The following SPATA17 variants were observed in gnomAD, a reference collection of about 807,000 sequenced individuals.
The protein encoded by SPATA17 is spermatogenesis-associated protein 17.
In SPATA17, 53 loss-of-function variants were observed where a neutral mutation model predicts 62.2. The ratio of observed to expected loss-of-function variants is 0.85; its 90% CI spans 0.68 to 1.07. The LOEUF (loss-of-function observed/expected upper bound fraction) is 1.07. SPATA17 is among the 50% of genes least tolerant of loss of function. The probability of loss-of-function intolerance (pLI) is 0.00; values close to 1 mark genes in which losing one functional copy is unlikely to be tolerated. For missense variants in SPATA17, 466 were observed against 425.5 expected (o/e 1.10, Z -0.84); for synonymous variants, 146 against 146.8 (o/e 0.99, Z 0.04).
chr1:217,760,276 T>C (rs1673141346), intron 6 of SPATA17, among the ~76,000 whole-genome samples: 2 of 152,178 alleles, frequency 1.3e-5, no homozygotes, highest in Non-Finnish European at 2.9e-5. Context: ...TTCTGGGCCT[T>C]CTACTATCAA....
At chr1:217,860,793 T>C (rs1675883396) in intron 9 of SPATA17, among the ~76,000 whole-genome samples, 1 of 152,270 alleles carries the variant, frequency 6.6e-6, no homozygotes, top group South Asian at 2.1e-4. Flanking sequence ...TCCAGTCTTG[T>C]TCTTTTATTG....
intron 3 of SPATA17, among the ~76,000 whole-genome samples, chr1:217,657,443 A>G (rs1380729892): frequency 6.6e-6 from 1 of 152,190 alleles, no homozygotes; most frequent in Admixed American, 6.5e-5. Flanking sequence ...GGACAATCAC[A>G]TGTAAATCTT....
At chr1:217,768,221 G>A (rs1471767170) in intron 6 of SPATA17, among the ~76,000 whole-genome samples, 1 of 152,048 alleles carries the variant, frequency 6.6e-6, no homozygotes, top group African/African-American at 2.4e-5. Flanking sequence ...CTCCAGCCTG[G>A]CGACAGAGCA....
intron 3 of SPATA17, among the ~76,000 whole-genome samples, chr1:217,662,350 G>T (rs1323376333): frequency 6.6e-6 from 1 of 151,994 alleles, no homozygotes; most frequent in Non-Finnish European, 1.5e-5. Flanking sequence ...AGATCATCTA[G>T]TGAATAACAT....
chr1:217,866,662 G>A (rs1214448757), intron 10 of SPATA17: 1 of 152,028 alleles, frequency 6.6e-6, no homozygotes, highest in Admixed American at 6.6e-5. Context: ...GGATCTTGCT[G>A]TGTTACCCAG....
At chr1:217,847,209 T>C (rs1479990643) in intron 9 of SPATA17, among the ~76,000 whole-genome samples, 1 of 151,978 alleles carries the variant, frequency 6.6e-6, no homozygotes, top group African/African-American at 2.4e-5. Flanking sequence ...TAAGACTAAA[T>C]TTTTGTATGT....
chr1:217,751,559 C>G (rs958933297), intron 6 of SPATA17, among the ~76,000 whole-genome samples: 1 of 152,224 alleles, frequency 6.6e-6, no homozygotes, highest in South Asian at 2.1e-4. Context: ...CCTATTAACT[C>G]TTACATTTTA....
chr1:217,727,507 C>G (rs1451626093), intron 5 of SPATA17, among the ~76,000 whole-genome samples: 1 of 151,910 alleles, frequency 6.6e-6, no homozygotes, highest in African/African-American at 2.4e-5. Context: ...TGTATGATTG[C>G]ATAAATTTTT....
intron 9 of SPATA17, among the ~76,000 whole-genome samples, chr1:217,806,458 C>T (rs12078427): frequency 0.026 from 3,973 of 152,286 alleles, 154 homozygotes; most frequent in African/African-American, 0.085. Flanking sequence ...CTCTGAATCC[C>T]CTTAGGGGTC....
chr1:217,704,981 C>A (rs897541296), intron 5 of SPATA17, among the ~76,000 whole-genome samples: 2 of 152,178 alleles, frequency 1.3e-5, no homozygotes, highest in Non-Finnish European at 2.9e-5. Flanking sequence ...AATCACCAAA[C>A]AGATTTCCAA....
intron 1 of SPATA17, among the ~76,000 whole-genome samples, chr1:217,631,731 A>G (rs1428693472): frequency 1.3e-5 from 2 of 152,168 alleles, no homozygotes; most frequent in Admixed American, 6.5e-5. Flanking sequence ...CCACTCTGCA[A>G]TTTGATGAAA....
At chr1:217,734,922 G>A (rs762910942) in intron 5 of SPATA17, among the ~76,000 whole-genome samples, 1 of 152,154 alleles carries the variant, frequency 6.6e-6, no homozygotes, top group Non-Finnish European at 1.5e-5. Context: ...AGTTGATGCT[G>A]CTGGTCCAGG....
intron 9 of SPATA17, among the ~76,000 whole-genome samples, chr1:217,819,935 G>T (rs1350545290): frequency 1.3e-5 from 2 of 152,134 alleles, no homozygotes; most frequent in South Asian, 4.1e-4. Context: ...CAGGAAGTAT[G>T]CTAGACAATT....
At chr1:217,656,836 A>G (rs10863333) in intron 3 of SPATA17, among the ~76,000 whole-genome samples, 38,999 of 152,082 alleles carry the variant, frequency 0.26, 5,453 homozygotes, top group African/African-American at 0.36. Flanking sequence ...TACTTCCTCA[A>G]GGACACACTG....
At chr1:217,720,121 G>A (rs552369980) in intron 5 of SPATA17, among the ~76,000 whole-genome samples, 16 of 152,308 alleles carry the variant, frequency 1.1e-4, no homozygotes, top group African/African-American at 2.4e-4. Flanking sequence ...CCAGTCATGC[G>A]TTGACATATC....
chr1:217,800,923 TA>T (rs1674293345), intron 8 of SPATA17, among the ~76,000 whole-genome samples: 1 of 152,188 alleles, frequency 6.6e-6, no homozygotes, highest in Admixed American at 6.5e-5. Context: ...ATCACAATCT[TA>T]GATGTTCTGT....
intron 5 of SPATA17, among the ~76,000 whole-genome samples, chr1:217,704,670 C>G (rs1214411753): frequency 6.6e-6 from 1 of 152,072 alleles, no homozygotes; most frequent in Non-Finnish European, 1.5e-5. Context: ...TCTGTTCCTG[C>G]GTTAGTTCTC....
intron 5 of SPATA17, among the ~76,000 whole-genome samples, chr1:217,703,407 G>A (rs1671649915): frequency 6.8e-6 from 1 of 147,020 alleles, no homozygotes; most frequent in African/African-American, 2.5e-5. Flanking sequence ...CCTGACCTCA[G>A]GTGATCCGCT....
At chr1:217,651,233 TACTC>T (rs147538345) in intron 3 of SPATA17, 55 bp downstream of exon 3, 49,764 of 1,351,412 alleles carry the variant, frequency 0.037, 1,150 homozygotes, top group Middle Eastern at 0.052. Context: ...TGCTGTAACT[TACTC>T]ACTTTAGTCA....
Sources: allele counts gnomAD v4.1 joint callset (sites outside exome capture counted in the v4.1 genomes callset), GRCh38; gene constraint gnomAD v4.1.1; transcripts MANE v1.5; gene names NCBI Gene and HGNC (gene_info 2026-07-23, HGNC 2026-07-21).